The following TTC28 variants were observed in gnomAD, a reference collection of about 807,000 sequenced individuals.
TTC28 encodes tetratricopeptide repeat domain 28.
TTC28 carries 61 observed loss-of-function variants against 198.0 expected under a neutral mutation model. The ratio of observed to expected loss-of-function variants is 0.31; its 90% CI spans 0.25 to 0.38. The LOEUF (loss-of-function observed/expected upper bound fraction) is 0.38, where lower values mean the gene tolerates loss of function less well. Ranked by LOEUF, TTC28 falls within the 10% of genes least tolerant of loss-of-function variation. TTC28 has a pLI of 1.00. For missense variants in TTC28, 2,678 were observed against 3,164.0 expected (o/e 0.85, Z 3.69); for synonymous variants, 1,171 against 1,297.8 (o/e 0.90, Z 2.10).
intron 12 of TTC28, among the ~76,000 whole-genome samples, chr22:28,062,747 T>C (rs1940602123): frequency 6.6e-6 from 1 of 152,230 alleles, no homozygotes; most frequent in Admixed American, 6.5e-5. Flanking sequence ...TTTTCAGTTT[T>C]AGAATTTCCA....
At chr22:28,102,379 A>G (rs886854246) in intron 8 of TTC28, among the ~76,000 whole-genome samples, 2 of 152,200 alleles carry the variant, frequency 1.3e-5, no homozygotes, top group Admixed American at 1.3e-4. Flanking sequence ...CCTCATTCTA[A>G]CAGCCTTCAG....
At chr22:28,370,205 T>C (rs762493309) in intron 2 of TTC28, among the ~76,000 whole-genome samples, 1 of 152,194 alleles carries the variant, frequency 6.6e-6, no homozygotes, top group East Asian at 1.9e-4. Context: ...AGTGGCTTCA[T>C]TCCTCTGAAG....
intron 5 of TTC28, among the ~76,000 whole-genome samples, chr22:28,280,937 T>C (rs1569237342): frequency 6.6e-6 from 1 of 152,122 alleles, no homozygotes; most frequent in Non-Finnish European, 1.5e-5. Flanking sequence ...CTGGTCTCCA[T>C]TATTTCTGAT....
At chr22:28,251,902 C>T (rs1481820124) in intron 5 of TTC28, among the ~76,000 whole-genome samples, 1 of 152,152 alleles carries the variant, frequency 6.6e-6, no homozygotes, top group African/African-American at 2.4e-5. Flanking sequence ...TATCCTAGAT[C>T]CCTTAATCAA....
chr22:28,239,325 T>C (rs984245926), intron 5 of TTC28, among the ~76,000 whole-genome samples: 1 of 152,114 alleles, frequency 6.6e-6, no homozygotes, highest in Non-Finnish European at 1.5e-5. Flanking sequence ...ATATGACCAG[T>C]GACTTTTTAT....
intron 1 of TTC28, among the ~76,000 whole-genome samples, chr22:28,663,343 C>T (rs1206862995): frequency 1.4e-5 from 2 of 146,028 alleles, no homozygotes; most frequent in African/African-American, 5.2e-5. Flanking sequence ...CCAGCGTGAG[C>T]GACACAGAAG....
At chr22:28,037,142 A>C (rs1485969653) in intron 12 of TTC28, among the ~76,000 whole-genome samples, 1 of 152,212 alleles carries the variant, frequency 6.6e-6, no homozygotes, top group Non-Finnish European at 1.5e-5. Context: ...ATAGAAAAAG[A>C]GGGAATCCTC....
chr22:28,399,262 A>G (rs1040902520), intron 2 of TTC28, among the ~76,000 whole-genome samples: 1 of 150,950 alleles, frequency 6.6e-6, no homozygotes, highest in Non-Finnish European at 1.5e-5. Context: ...CCAGCTACCC[A>G]GCTCATTTCT....
At chr22:28,004,893 T>A (rs1376161831) in intron 14 of TTC28, among the ~76,000 whole-genome samples, 1 of 152,158 alleles carries the variant, frequency 6.6e-6, no homozygotes, top group Non-Finnish European at 1.5e-5. Context: ...GGAGAGACAT[T>A]CAAGGAAACA....
chr22:28,335,473 C>A (rs918828371), intron 2 of TTC28, among the ~76,000 whole-genome samples: 4 of 152,194 alleles, frequency 2.6e-5, no homozygotes, highest in Admixed American at 2.6e-4. Context: ...AATATTGATT[C>A]TTCCTACTCA....
chr22:28,504,896 C>CT (rs1211182678), intron 2 of TTC28, among the ~76,000 whole-genome samples: 1 of 151,938 alleles, frequency 6.6e-6, no homozygotes, highest in African/African-American at 2.4e-5. Context: ...TTATACAATT[C>CT]TTTTTTTATA....
intron 2 of TTC28, among the ~76,000 whole-genome samples, chr22:28,490,989 T>G (rs1337268355): frequency 6.6e-6 from 1 of 152,214 alleles, no homozygotes; most frequent in Admixed American, 6.5e-5. Context: ...CAAGAAGTTT[T>G]GTGATATTCA....
chr22:28,021,932 C>A (rs1397106793), intron 13 of TTC28, among the ~76,000 whole-genome samples: 1 of 152,236 alleles, frequency 6.6e-6, no homozygotes, highest in Non-Finnish European at 1.5e-5. Flanking sequence ...AATCTCAGGG[C>A]CAGGTGGGCC....
intron 2 of TTC28, among the ~76,000 whole-genome samples, chr22:28,559,048 G>A (rs1010585431): frequency 7.9e-5 from 12 of 151,654 alleles, no homozygotes; most frequent in South Asian, 2.1e-4. Context: ...AAAAAAAAAA[G>A]AGAGAATTTC....
At chr22:28,500,922 C>T (rs1270818389) in intron 2 of TTC28, among the ~76,000 whole-genome samples, 2 of 152,156 alleles carry the variant, frequency 1.3e-5, no homozygotes, top group Non-Finnish European at 2.9e-5. Flanking sequence ...GTTGACTTCT[C>T]TATTATATTT....
At position 28,409,159 on chromosome 22, in the gene TTC28, C is replaced by T. The variant is rs2047042628; in HGVS notation, c.382-102516G>A. On this transcript the variant is annotated intron_variant, in intron 2 of 22. Transcript: ENST00000397906. The stretch of plus-strand genomic sequence containing the variant: ...GTGATAATCATGAGAAGAAAAATAA[C>T]AATTCTTAAATACTACAGTTCTTAA... Among the ~76,000 whole-genome samples, 5 of 152,286 alleles carry T rather than the reference C, an allele frequency of 3.3e-5. No individual in the cohort carries two copies. The South Asian group carries it at 1.0e-3, about 32-fold the overall frequency.
intron 1 of TTC28, among the ~76,000 whole-genome samples, chr22:28,655,409 A>C (rs1027865815): frequency 1.3e-5 from 2 of 152,190 alleles, no homozygotes; most frequent in Non-Finnish European, 2.9e-5. Context: ...GATTTTTAAA[A>C]ATAGTCCTGT....
intron 5 of TTC28, among the ~76,000 whole-genome samples, chr22:28,264,338 G>A (rs557606026): frequency 6.6e-6 from 1 of 152,224 alleles, no homozygotes; most frequent in South Asian, 2.1e-4. Context: ...CCAGCCATGT[G>A]GAACTGTGAG....
chr22:28,640,955 C>T (rs979034861), intron 1 of TTC28, among the ~76,000 whole-genome samples: 1 of 152,180 alleles, frequency 6.6e-6, no homozygotes, highest in Admixed American at 6.5e-5. Context: ...AAAGTGGAAA[C>T]AACCAAAATA....
Sources: allele counts gnomAD v4.1 joint callset (sites outside exome capture counted in the v4.1 genomes callset), GRCh38; gene constraint gnomAD v4.1.1; transcripts MANE v1.5; gene names NCBI Gene and HGNC (gene_info 2026-07-23, HGNC 2026-07-21).